The following ZNF76 variants were observed in gnomAD, a reference collection of about 807,000 sequenced individuals.
ZNF76 encodes the protein zinc finger protein 523.
A neutral mutation model predicts 66.9 loss-of-function variants in ZNF76; 66 were observed. The ratio of observed to expected loss-of-function variants is 0.99; its 90% CI spans 0.81 to 1.21. The LOEUF (loss-of-function observed/expected upper bound fraction) is 1.21. ZNF76 is among the 50% of genes most tolerant of loss of function. The probability of loss-of-function intolerance (pLI) is 0.00; values close to 1 mark genes in which losing one functional copy is unlikely to be tolerated. For synonymous variants in ZNF76, 275 were observed against 296.1 expected, an observed-to-expected ratio of 0.93 and a Z score of 0.73; for missense variants, 729 against 760.3, an observed-to-expected ratio of 0.96 and a Z score of 0.48.
rs1038340346 is a variant in ZNF76, at chr6:35,295,559, G to A, written c.*311G>A. The A allele has an allele frequency of 1.3e-5, 5 of 388,392 alleles. No homozygotes were observed. The highest frequency in any genetic ancestry group is 7.3e-5 in the Admixed American group (2 of 27,562). The allele number at this position is 388,392 out of a possible 1,614,324, so 24.1% of individuals were successfully genotyped here. ...CTAAAGAACACCCTTCTGGCCCTCA[G>A]TCTGTTCCCCTTCTCAGGTAGAGAT... is the stretch of plus-strand genomic sequence containing the variant. On this transcript the variant is annotated 3_prime_UTR_variant, in exon 14 of 14. Coordinates refer to ENST00000373953, the MANE Select transcript of ZNF76 (RefSeq NM_003427.5).
In ZNF76 at chr6:35,292,148, C is replaced by G; in HGVS notation, c.932-406C>G. The G allele has an allele frequency of 2.5e-6, 1 of 403,278 alleles. No individual in the cohort carries two copies. Among genetic ancestry groups the G allele is most frequent in the African/African-American group, 2.0e-5 (1 of 49,464 alleles). 25.0% of individuals were successfully genotyped at this position (403,278 alleles called of 1,614,324 possible). On this transcript the variant is annotated intron_variant, in intron 9 of 13. Transcript: ENST00000373953. The surrounding 1 kb of genome is among the most constrained non-coding windows in gnomAD (Gnocchi z 4.7). ...CCTCACCCTCCCCAGTGTTATGCCC[C>G]TCATCCAGCTTTCTGTGTTGTGTCT...
At chr6:35,269,802 C>T (rs925742232) in intron 1 of ZNF76, among the ~76,000 whole-genome samples, 1 of 152,224 alleles carries the variant, frequency 6.6e-6, no homozygotes, top group African/African-American at 2.4e-5. Context: ...CGTCCAGACC[C>T]ACCCTTGTGA....
chr6:35,273,722 C>CAAA (rs35149897), intron 1 of ZNF76, among the ~76,000 whole-genome samples: 6 of 130,106 alleles, frequency 4.6e-5, no homozygotes, highest in African/African-American at 5.8e-5. Flanking sequence ...CTCCATCTCA[C>CAAA]AAAAAAAAAA....
intron 1 of ZNF76, among the ~76,000 whole-genome samples, chr6:35,263,895 C>T (rs888957640): frequency 9.2e-5 from 14 of 152,192 alleles, no homozygotes; most frequent in Admixed American, 7.9e-4. Context: ...GTGTTACAGG[C>T]GCCTGCAACC....
chr6:35,286,627 A>G, intron 4 of ZNF76: 1 of 595,934 alleles, frequency 1.7e-6, no homozygotes, highest in South Asian at 2.0e-5. Context: ...GAGATCAGTG[A>G]CGTGGACTTT....
chr6:35,286,999 T>A (rs1323671106), intron 4 of ZNF76, among the ~76,000 whole-genome samples: 1 of 151,952 alleles, frequency 6.6e-6, no homozygotes, highest in Non-Finnish European at 1.5e-5. Context: ...AGGTAAAGAA[T>A]GAGGTAGACT....
intron 2 of ZNF76, 118 bp downstream of exon 2, chr6:35,281,342 A>G (rs1788744681): frequency 1.0e-5 from 9 of 878,936 alleles, no homozygotes; most frequent in Non-Finnish European, 1.5e-5. Flanking sequence ...CTTGCCCACC[A>G]CCACAATTTG....
rs1790579354 is a variant in ZNF76, at chr6:35,292,656, ACACCTGCAG to A, written c.1042_1050del (p.Ser348_Cys350del). 6.8e-6 allele frequency: 11 copies of A among 1,614,012 alleles called. No individual in the cohort carries two copies. Among genetic ancestry groups the A allele is most frequent in the Admixed American group, 5.0e-5 (3 of 60,000 alleles). Reference sequence around the variant, plus strand: ...GTGGTGCACACACACTGCAAGCCCTACACCTGCAGCACCTGCGGCAAGACCTACCGGCAG... The same window carrying A: ...GTGGTGCACACACACTGCAAGCCCTACACCTGCGGCAAGACCTACCGGCAG... On this transcript the variant is annotated inframe_deletion, in exon 10 of 14. Coordinates refer to ENST00000373953, the MANE Select transcript of ZNF76 (RefSeq NM_003427.5). This position sits in a 1 kb window ranked among gnomAD's most constrained non-coding sequence, Gnocchi z 4.7.
chr6:35,295,223 C>T lies in ZNF76; in HGVS notation c.1688C>T (p.Thr563Ile). ...AMQQGAVTLE[T>I]TVSESGC ...CAGCAAGGGGCTGTGACCCTGGAGA[C>T]AACAGTGTCGGAGAGTGGCTGCTGA... Residue 563 changes from threonine (T) to isoleucine (I), a missense_variant, in exon 14 of 14, where the codon ACA becomes ATA. Physicochemically the swap from Thr to Ile is moderately conservative, Grantham distance 89. Coordinates refer to ENST00000373953, the MANE Select transcript of ZNF76 (RefSeq NM_003427.5). 6.2e-7 allele frequency: 1 copy of T among 1,609,376 alleles called. No individual in the cohort carries two copies. Among genetic ancestry groups the T allele is most frequent in the Non-Finnish European group, 8.5e-7 (1 of 1,178,000 alleles).
At chr6:35,286,798 G>A in intron 4 of ZNF76, 1 of 290,626 alleles carries the variant, frequency 3.4e-6, no homozygotes, top group Non-Finnish European at 6.7e-6. Flanking sequence ...TTTCTTGAGT[G>A]ACTGTTGCAT....
At chr6:35,291,519 C>T (rs1562129198) in intron 8 of ZNF76, 39 bp from the exon 9 acceptor site, 6 of 1,606,928 alleles carry the variant, frequency 3.7e-6, no homozygotes, top group African/African-American at 2.7e-5. Flanking sequence ...GCATGGCCCT[C>T]TTTCCCACAC....
In ZNF76 at chr6:35,292,645, CTGCA is replaced by C; in HGVS notation, c.1024_1027del (p.Cys342SerfsTer62). ...ATAAGCACCACGTGGTGCACACACA[CTGCA>C]AGCCCTACACCTGCAGCACCTGCGG... is the stretch of plus-strand genomic sequence containing the variant. On this transcript the variant is annotated frameshift_variant, in exon 10 of 14. Coordinates refer to ENST00000373953, the MANE Select transcript of ZNF76 (RefSeq NM_003427.5). LOFTEE classifies it high-confidence loss of function. This position sits in a 1 kb window ranked among gnomAD's most constrained non-coding sequence, Gnocchi z 4.7. 6.2e-7 allele frequency: 1 copy of C among 1,614,170 alleles called. No homozygotes were observed. The highest frequency in any genetic ancestry group is 8.5e-7 in the Non-Finnish European group (1 of 1,180,046).
intron 1 of ZNF76, among the ~76,000 whole-genome samples, chr6:35,275,744 G>C (rs147704433): frequency 6.6e-6 from 1 of 152,170 alleles, no homozygotes; most frequent in Admixed American, 6.5e-5. Flanking sequence ...GCCTGTACGC[G>C]AGAACATGAA....
chr6:35,284,077 CTTT>C (rs563490277), intron 2 of ZNF76, among the ~76,000 whole-genome samples: 1 of 151,550 alleles, frequency 6.6e-6, no homozygotes, highest in African/African-American at 2.4e-5. Flanking sequence ...TTGTCATTAA[CTTT>C]TTTTTTATTT....
intron 1 of ZNF76, among the ~76,000 whole-genome samples, chr6:35,271,085 G>A (rs374080910): frequency 3.3e-5 from 5 of 152,132 alleles, no homozygotes; most frequent in Admixed American, 6.5e-5. Flanking sequence ...TTATGTCTAC[G>A]TAGTATGGAA....
At chr6:35,270,976 C>A (rs182364450) in intron 1 of ZNF76, among the ~76,000 whole-genome samples, 4 of 149,984 alleles carry the variant, frequency 2.7e-5, no homozygotes, top group Non-Finnish European at 5.9e-5. Context: ...AGCAAGACTT[C>A]GTCTCATAAA....
intron 1 of ZNF76, among the ~76,000 whole-genome samples, chr6:35,268,246 C>T (rs968803823): frequency 6.6e-6 from 1 of 152,168 alleles, no homozygotes; most frequent in African/African-American, 2.4e-5. Flanking sequence ...AAGGAAAACA[C>T]ACTCCGTGGC....
At chr6:35,284,553 C>G (rs1789265005) in intron 2 of ZNF76, among the ~76,000 whole-genome samples, 1 of 151,698 alleles carries the variant, frequency 6.6e-6, no homozygotes, top group Non-Finnish European at 1.5e-5. Context: ...TACCTGCCTC[C>G]ACACCCAGCT....
At chr6:35,275,140 G>A (rs1439356756) in intron 1 of ZNF76, among the ~76,000 whole-genome samples, 1 of 151,396 alleles carries the variant, frequency 6.6e-6, no homozygotes, top group Non-Finnish European at 1.5e-5. Context: ...GGGCGTGAGA[G>A]CAAGACTCCA....
Sources: allele counts gnomAD v4.1 joint callset (sites outside exome capture counted in the v4.1 genomes callset), GRCh38; gene constraint gnomAD v4.1.1; non-coding constraint Gnocchi (gnomAD v3.1); transcripts MANE v1.5; gene names NCBI Gene and HGNC (gene_info 2026-07-23, HGNC 2026-07-21).